Variants in CAAP1 observed in about 807,000 individuals in gnomAD.
CAAP1 encodes conserved anti-apoptotic protein.
Under a neutral mutation model 34.0 loss-of-function variants are expected in CAAP1, and 20 were observed. That is an observed-to-expected ratio of 0.59 (90% CI 0.41 to 0.86). CAAP1 has a LOEUF of 0.86. Ranked by LOEUF, CAAP1 falls within the 40% of genes least tolerant of loss-of-function variation. CAAP1 has a pLI of 0.00. For missense variants in CAAP1, 538 were observed against 450.5 expected (o/e 1.19, Z -1.76); for synonymous variants, 213 against 166.7 (o/e 1.28, Z -2.14).
chr9:26,870,036 T>A (rs1027976878), intron 4 of CAAP1: 4 of 473,384 alleles, frequency 8.4e-6, no homozygotes, highest in Non-Finnish European at 1.1e-5. Flanking sequence ...ATAGAAAGAA[T>A]AACTTTTTTT....
intron 5 of CAAP1, among the ~76,000 whole-genome samples, chr9:26,858,966 C>A (rs932457642): frequency 5.7e-5 from 8 of 140,570 alleles, no homozygotes; most frequent in African/African-American, 2.2e-4. Context: ...CCATGCACTC[C>A]AGCCTGGGCA....
chr9:26,891,785 G>A (rs1823908652), intron 1 of CAAP1, among the ~76,000 whole-genome samples: 1 of 152,204 alleles, frequency 6.6e-6, no homozygotes, highest in Non-Finnish European at 1.5e-5. Flanking sequence ...AATACTAATG[G>A]AGGGGCAAGA....
chr9:26,892,464 G>A lies in CAAP1; in HGVS notation c.252C>T (p.Arg84=), dbSNP rs1823930255. 3.2e-6 allele frequency: 5 copies of A among 1,567,176 alleles called. No homozygotes were observed. Among genetic ancestry groups the A allele is most frequent in the South Asian group, 1.2e-5 (1 of 86,378 alleles). ...WGGSSVERSE[R]RKRRSTDSSS... ...AAGAGTCGGTACTCCTCCGCTTCCG[G>A]CGCTCGCTGCGCTCCACGCTGCTCC... Residue 84 remains arginine, a synonymous_variant, in exon 1 of 6, where the codon CGC becomes CGT. Coordinates refer to ENST00000333916, the MANE Select transcript of CAAP1 (RefSeq NM_024828.4).
chr9:26,884,461 C>T (rs1823678176), intron 4 of CAAP1, among the ~76,000 whole-genome samples: 1 of 152,102 alleles, frequency 6.6e-6, no homozygotes, highest in Non-Finnish European at 1.5e-5. Context: ...GTGTTCTATG[C>T]TGTTTAATGT....
chr9:26,858,500 A>G (rs938734673), intron 5 of CAAP1, among the ~76,000 whole-genome samples: 1 of 152,190 alleles, frequency 6.6e-6, no homozygotes, highest in African/African-American at 2.4e-5. Context: ...TATTCTTCTA[A>G]AAGACTTTAA....
At chr9:26,865,354 T>C (rs1051117036) in intron 4 of CAAP1, among the ~76,000 whole-genome samples, 34 of 151,890 alleles carry the variant, frequency 2.2e-4, no homozygotes, top group African/African-American at 3.9e-4. Flanking sequence ...AGAAACCCCA[T>C]CTCTACTAAA....
At chr9:26,878,961 AC>A (rs1457905027) in intron 4 of CAAP1, among the ~76,000 whole-genome samples, 3 of 152,212 alleles carry the variant, frequency 2.0e-5, no homozygotes, top group African/African-American at 4.8e-5. Flanking sequence ...CATCCATCTT[AC>A]TTTGGAGAAA....
chr9:26,852,800 A>G (rs1166961047), intron 5 of CAAP1, among the ~76,000 whole-genome samples: 2 of 146,908 alleles, frequency 1.4e-5, no homozygotes, highest in African/African-American at 2.5e-5. Flanking sequence ...CGAGCTCTGG[A>G]AAAAAAAAAA....
intron 4 of CAAP1, among the ~76,000 whole-genome samples, chr9:26,869,112 G>C (rs555069411): frequency 3.9e-5 from 6 of 152,102 alleles, no homozygotes; most frequent in Admixed American, 2.0e-4. Flanking sequence ...ATAATTGTTA[G>C]ATCTAGATGA....
At chr9:26,849,028 A>T (rs1318300585) in intron 5 of CAAP1, among the ~76,000 whole-genome samples, 1 of 152,246 alleles carries the variant, frequency 6.6e-6, no homozygotes, top group African/African-American at 2.4e-5. Context: ...TATTTAAAAA[A>T]TCTTCAGTAC....
intron 4 of CAAP1, among the ~76,000 whole-genome samples, chr9:26,865,998 C>T (rs1242357325): frequency 6.6e-6 from 1 of 152,084 alleles, no homozygotes; most frequent in African/African-American, 2.4e-5. Flanking sequence ...AGACACATAC[C>T]ACTATACCCG....
At chr9:26,847,631 C>A (rs759862829) in intron 5 of CAAP1, among the ~76,000 whole-genome samples, 9 of 152,032 alleles carry the variant, frequency 5.9e-5, no homozygotes, top group Admixed American at 1.3e-4. Context: ...CTTGTTTCTA[C>A]CCTTTGCCCA....
rs746444420 is a variant in CAAP1 at position 26,887,343 on chromosome 9, C to T, written c.474G>A (p.Lys158=). 1.2e-5 allele frequency: 20 copies of T among 1,605,616 alleles called. No individual in the cohort carries two copies. The highest frequency in any genetic ancestry group is 5.1e-5 in the Admixed American group (3 of 58,982). Residue 158 remains lysine, a synonymous_variant, in exon 2 of 6, where the codon AAG becomes AAA. Coordinates refer to ENST00000333916, the MANE Select transcript of CAAP1 (RefSeq NM_024828.4). The part of the protein sequence containing the change: ...QQCFCIIGEK[K]LQKMLPDVLK... Reference sequence around the variant, plus strand: ...ACACATCAGGAAGCATCTTCTGTAACTTTTTCTCTCCTATAATACAGAAGC... The same window carrying T: ...ACACATCAGGAAGCATCTTCTGTAATTTTTTCTCTCCTATAATACAGAAGC...
intron 5 of CAAP1, among the ~76,000 whole-genome samples, chr9:26,856,116 AT>A (rs910003550): frequency 4.4e-5 from 6 of 136,902 alleles, no homozygotes; most frequent in African/African-American, 8.7e-5. Flanking sequence ...CTGGCCAGTA[AT>A]TTTTTTTAAA....
Position 26,870,638 on chromosome 9 carries a change from G to A in CAAP1, c.666-9499C>T, listed in dbSNP as rs188416758. 3.7e-3 allele frequency among the ~76,000 whole-genome samples: 561 copies of A among 150,368 alleles called. 3 individuals carry two copies. Among genetic ancestry groups the A allele is most frequent in the Non-Finnish European group, 6.9e-3 (463 of 67,490 alleles). On this transcript the variant is annotated intron_variant, in intron 4 of 5. Coordinates refer to ENST00000333916, the MANE Select transcript of CAAP1 (RefSeq NM_024828.4). Reference sequence around the variant, plus strand: ...TACATATATTTTTTTTTCTGAGAAGGAGTCTTGCTCTGTTGCCCAGGCTGG... The same window carrying A: ...TACATATATTTTTTTTTCTGAGAAGAAGTCTTGCTCTGTTGCCCAGGCTGG...
At chr9:26,869,115 C>A (rs899067323) in intron 4 of CAAP1, among the ~76,000 whole-genome samples, 1 of 151,866 alleles carries the variant, frequency 6.6e-6, no homozygotes, top group Non-Finnish European at 1.5e-5. Context: ...ATTGTTAGAT[C>A]TAGATGACAG....
intron 4 of CAAP1, among the ~76,000 whole-genome samples, chr9:26,881,873 G>A (rs528635126): frequency 1.8e-4 from 27 of 152,288 alleles, no homozygotes; most frequent in African/African-American, 6.0e-4. Context: ...ATAATGATAT[G>A]GACAAGGAAA....
chr9:26,889,781 T>C lies in CAAP1; in HGVS notation c.304-2268A>G, dbSNP rs147489260. On this transcript the variant is annotated intron_variant, in intron 1 of 5. Transcript: ENST00000333916. ...TACTCTGGAGGCTGAGGCAGGAGAA[T>C]GGCGTGAACCCAGGAGGCGGCGCTT... Among the ~76,000 whole-genome samples, 363 of 142,676 alleles carry C rather than the reference T, an allele frequency of 2.5e-3. 2 individuals carry two copies. Among genetic ancestry groups the C allele is most frequent in the African/African-American group, 9.3e-3 (350 of 37,504 alleles). 93.6% of individuals were successfully genotyped at this position (142,676 alleles called of 152,430 possible).
chr9:26,850,131 C>T (rs184145645), intron 5 of CAAP1, among the ~76,000 whole-genome samples: 67 of 152,128 alleles, frequency 4.4e-4, no homozygotes, highest in Admixed American at 1.0e-3. Flanking sequence ...CCACCACGCC[C>T]GGCTAGTAAA....
Sources: gnomAD v4.1 joint callset for allele counts (sites outside exome capture counted in the v4.1 genomes callset) on GRCh38, gnomAD v4.1.1 for gene constraint, MANE v1.5 for transcripts, NCBI Gene and HGNC (gene_info 2026-07-23, HGNC 2026-07-21) for gene names.